Variants in ADAM23 observed in about 807,000 individuals in gnomAD.
The protein encoded by ADAM23 is disintegrin and metalloproteinase domain-containing protein 23.
Under a neutral mutation model 120.1 loss-of-function variants are expected in ADAM23, and 33 were observed. The observed-to-expected ratio is 0.27, with a 90% CI of 0.21 to 0.37. The LOEUF is 0.37. Among genes scored for constraint, ADAM23 ranks in the 10% least tolerant of loss-of-function variants. ADAM23 has a pLI of 1.00. For missense variants in ADAM23, 862 were observed against 1,058.2 expected (o/e 0.81, Z 2.57); for synonymous variants, 367 against 375.2 (o/e 0.98, Z 0.25).
chr2:206,554,365 A>T lies in ADAM23; in HGVS notation c.934-3062A>T, dbSNP rs78425644. Among the ~76,000 whole-genome samples the T allele has an allele frequency of 6.3e-4, 96 of 152,318 alleles. 1 individual carries two copies. The East Asian group carries it at 0.017, about 27-fold the overall frequency. On this transcript the variant is annotated intron_variant, in intron 9 of 25. Transcript: ENST00000264377. ...TTTGAGCTGCTTAAGTTAAAAATAA[A>T]TATTAAAAATCTTATTCTAATAGAA...
At chr2:206,465,483 G>A (rs1418977195) in intron 2 of ADAM23, among the ~76,000 whole-genome samples, 19 of 152,146 alleles carry the variant, frequency 1.2e-4, no homozygotes, top group Admixed American at 1.2e-3. Context: ...CAAGATAAAA[G>A]TGTTAAATTT....
chr2:206,531,192 A>G (rs1458109130), intron 4 of ADAM23, among the ~76,000 whole-genome samples: 1 of 152,246 alleles, frequency 6.6e-6, no homozygotes, highest in African/African-American at 2.4e-5. Context: ...GATAGTATAA[A>G]GAGCTATACA....
At position 206,443,982 on chromosome 2, in the gene ADAM23, C is replaced by G. The variant is rs1037171896; in HGVS notation, c.116C>G (p.Ala39Gly). 27 of 1,376,902 alleles carry G rather than the reference C, an allele frequency of 2.0e-5. No individual in the cohort carries two copies. The highest frequency in any genetic ancestry group is 2.6e-4 in the Middle Eastern group (1 of 3,836). 85.3% of individuals were successfully genotyped at this position (1,376,902 alleles called of 1,614,324 possible). A position where few individuals can be genotyped will look rare whatever the true frequency, so the allele number is the denominator to read the frequency against. The part of the protein sequence containing the change: ...PAGSVPASAP[A>G]RTPPCRLLLV... ...GGCTCGGTGCCTGCCAGCGCCCCGG[C>G]CCGCACGCCGCCCTGCCGCCTGCTT... Residue 39 changes from alanine (A) to glycine (G), a missense_variant, in exon 1 of 26, where the codon GCC becomes GGC. Coordinates refer to ENST00000264377, the MANE Select transcript of ADAM23 (RefSeq NM_003812.4).
At chr2:206,525,509 A>T (rs949006582) in intron 3 of ADAM23, among the ~76,000 whole-genome samples, 1 of 152,138 alleles carries the variant, frequency 6.6e-6, no homozygotes, top group East Asian at 1.9e-4. Context: ...GTTCTGAACA[A>T]TTGTTTTCTT....
intron 10 of ADAM23, among the ~76,000 whole-genome samples, chr2:206,558,475 A>T (rs1047599019): frequency 1.3e-5 from 2 of 152,218 alleles, no homozygotes; most frequent in African/African-American, 4.8e-5. Context: ...TATGTATGTT[A>T]TGTACCTGGT....
chr2:206,490,679 G>C (rs1696115287), intron 3 of ADAM23, among the ~76,000 whole-genome samples: 1 of 152,112 alleles, frequency 6.6e-6, no homozygotes, highest in East Asian at 1.9e-4. Flanking sequence ...AGTGCTGGTA[G>C]GAATGAGTTG....
intron 13 of ADAM23, 45 bp downstream of exon 13, chr2:206,562,338 CTGTA>C (rs778104661): frequency 7.3e-7 from 1 of 1,378,396 alleles, no homozygotes; most frequent in Admixed American, 1.7e-5. Flanking sequence ...GCCATTCTGT[CTGTA>C]TAATGCATGT....
intron 2 of ADAM23, among the ~76,000 whole-genome samples, chr2:206,475,621 C>G (rs1695759338): frequency 6.6e-6 from 1 of 151,742 alleles, no homozygotes; most frequent in Non-Finnish European, 1.5e-5. Context: ...GAAAGTCTTC[C>G]TGGTGAAGTG....
chr2:206,605,989 G>C lies in ADAM23; in HGVS notation c.2360-3921G>C, dbSNP rs945796717. On this transcript the variant is annotated intron_variant, in intron 24 of 25. Coordinates refer to ENST00000264377, the MANE Select transcript of ADAM23 (RefSeq NM_003812.4). ...CCTGTTGACCGTGTTTCCTGTGGTA[G>C]TGCACCTTGTGGTGTGACTTGGATG... The C allele has an allele frequency of 5.2e-6, 3 of 580,350 alleles. No homozygotes were observed. The African/African-American group carries it at 5.8e-5, about 11-fold the overall frequency. 36.0% of individuals were successfully genotyped at this position (580,350 alleles called of 1,614,324 possible). A position where few individuals can be genotyped will look rare whatever the true frequency, so the allele number is the denominator to read the frequency against.
At chr2:206,578,774 G>T (rs1028482573) in intron 18 of ADAM23, among the ~76,000 whole-genome samples, 9 of 152,090 alleles carry the variant, frequency 5.9e-5, no homozygotes, top group African/African-American at 2.2e-4. Context: ...TGGGATTCCT[G>T]GATCAAATAG....
chr2:206,578,159 T>G (rs1268783488), intron 18 of ADAM23, among the ~76,000 whole-genome samples: 1 of 124,202 alleles, frequency 8.1e-6, no homozygotes, highest in African/African-American at 3.0e-5. Flanking sequence ...TACTGTTGAC[T>G]GTGGTTGTGT....
At chr2:206,512,739 C>T (rs543871883) in intron 3 of ADAM23, among the ~76,000 whole-genome samples, 28 of 152,210 alleles carry the variant, frequency 1.8e-4, no homozygotes, top group Non-Finnish European at 3.7e-4. Context: ...ATGTTCTTCA[C>T]TTAATTGTGC....
At chr2:206,590,870 A>T (rs1488647918) in intron 21 of ADAM23, among the ~76,000 whole-genome samples, 2 of 152,020 alleles carry the variant, frequency 1.3e-5, no homozygotes, top group South Asian at 2.1e-4. Context: ...TTATTCATTC[A>T]CTCCATGTCC....
intron 2 of ADAM23, among the ~76,000 whole-genome samples, chr2:206,459,839 A>G (rs1695378087): frequency 6.6e-6 from 1 of 152,180 alleles, no homozygotes; most frequent in Non-Finnish European, 1.5e-5. Context: ...CTCAAGCATC[A>G]TGCCAAGCCA....
At chr2:206,505,647 G>C (rs956246835) in intron 3 of ADAM23, among the ~76,000 whole-genome samples, 1 of 152,162 alleles carries the variant, frequency 6.6e-6, no homozygotes, top group African/African-American at 2.4e-5. Flanking sequence ...CACGAAAACA[G>C]CACTAAAGAG....
At chr2:206,582,057 T>C (rs1012068701) in intron 18 of ADAM23, among the ~76,000 whole-genome samples, 6 of 152,148 alleles carry the variant, frequency 3.9e-5, no homozygotes, top group Non-Finnish European at 8.8e-5. Context: ...TTTGTATTTT[T>C]AGTAGAGACA....
At position 206,459,586 on chromosome 2, in the gene ADAM23, A is replaced by G. The variant is rs117877718; in HGVS notation, c.432+14062A>G. Among the ~76,000 whole-genome samples, 126 of 152,276 alleles carry G rather than the reference A, an allele frequency of 8.3e-4. 1 individual carries two copies. In the East Asian group the frequency reaches 0.022, roughly 27 times the overall value. ...CTTGTTTGTGATGTAATCGTTTGAG[A>G]ATCTTTGTTCTTTCACAGAAAGCAT... On this transcript the variant is annotated intron_variant, in intron 2 of 25. Coordinates refer to ENST00000264377, the MANE Select transcript of ADAM23 (RefSeq NM_003812.4).
intron 13 of ADAM23, among the ~76,000 whole-genome samples, 159 bp downstream of exon 13, chr2:206,562,452 T>A (rs1020961191): frequency 1.3e-5 from 2 of 152,246 alleles, no homozygotes; most frequent in African/African-American, 4.8e-5. Flanking sequence ...CTTAAGGTAA[T>A]TTTTAATCTG....
rs938345393 is a variant in ADAM23 at position 206,476,186 on chromosome 2, A to C, written c.433-5046A>C. 2.0e-5 allele frequency among the ~76,000 whole-genome samples: 3 copies of C among 152,126 alleles called. No individual in the cohort carries two copies. In the South Asian group the frequency reaches 6.2e-4, roughly 31 times the overall value. On this transcript the variant is annotated intron_variant, in intron 2 of 25. Coordinates refer to ENST00000264377, the MANE Select transcript of ADAM23 (RefSeq NM_003812.4). ...TGCTTAGGCCTGCTTGATACCCTAA[A>C]GGGCTTCTTACCTCTGTTTGTAAAA...
Sources: allele counts gnomAD v4.1 joint callset (sites outside exome capture counted in the v4.1 genomes callset), GRCh38; gene constraint gnomAD v4.1.1; transcripts MANE v1.5; gene names NCBI Gene and HGNC (gene_info 2026-07-23, HGNC 2026-07-21).